The following TEX35 variants were observed in gnomAD, a reference collection of about 807,000 sequenced individuals.
The protein encoded by TEX35 is testis expressed 35.
TEX35 carries 26 observed loss-of-function variants against 31.9 expected under a neutral mutation model. The ratio of observed to expected loss-of-function variants is 0.81; its 90% confidence interval spans 0.60 to 1.13. The LOEUF is 1.13. Among genes scored for constraint, TEX35 ranks in the 50% most tolerant of loss-of-function variants. The pLI is 0.00. For missense variants in TEX35, 278 were observed against 273.5 expected (o/e 1.02, Z -0.12); for synonymous variants, 87 against 90.7 (o/e 0.96, Z 0.23).
At chr1:178,516,800 G>A (rs946021033) in intron 5 of TEX35, 126 bp downstream of exon 5, 2 of 583,052 alleles carry the variant, frequency 3.4e-6, no homozygotes, top group Non-Finnish European at 5.9e-6. Flanking sequence ...TTGCAAGAAA[G>A]CATTGCAAGC....
At chr1:178,514,364 G>A (rs1012576157) in intron 2 of TEX35, among the ~76,000 whole-genome samples, 2 of 152,194 alleles carry the variant, frequency 1.3e-5, no homozygotes, top group African/African-American at 4.8e-5. Context: ...CTTCCTTTGA[G>A]CTGAGAGCTG....
At position 178,522,588 on chromosome 1, in the gene TEX35, CCTT is replaced by C; in HGVS notation, c.*149_*151del. On this transcript the variant is annotated 3_prime_UTR_variant, in exon 9 of 9. Transcript: ENST00000319416. ...CATATTTTATTTCACACCAGTTCCT[CCTT>C]GTTTCATCTCTTTGCTAAGCTGGCT... 1 of 1,327,664 alleles carries C rather than the reference CCTT, an allele frequency of 7.5e-7. No homozygotes were observed. Among genetic ancestry groups the C allele is most frequent in the Non-Finnish European group, 9.6e-7 (1 of 1,037,174 alleles). The allele number at this position is 1,327,664 out of a possible 1,614,324, so 82.2% of individuals were successfully genotyped here. A position where few individuals can be genotyped will look rare whatever the true frequency, so the allele number is the denominator to read the frequency against.
In TEX35 at chr1:178,520,486, C is replaced by A. The variant is rs201096376; in HGVS notation, c.341+50C>A. The A allele has an allele frequency of 1.4e-4, 227 of 1,613,946 alleles. 1 individual carries two copies. The highest frequency in any genetic ancestry group is 9.4e-4 in the South Asian group (86 of 91,062). ...TCCTCATCCCTAAAGGGTCTCCTCCCTTCCCTTTGTTGGATCCCTTTGGGG... is the reference window on the plus strand; with the variant it reads ...TCCTCATCCCTAAAGGGTCTCCTCCATTCCCTTTGTTGGATCCCTTTGGGG... On this transcript the variant is annotated intron_variant, in intron 6 of 8. Coordinates refer to ENST00000319416, the MANE Select transcript of TEX35 (RefSeq NM_032126.5).
intron 2 of TEX35, among the ~76,000 whole-genome samples, 188 bp from the exon 3 acceptor site, chr1:178,514,512 G>A (rs748840555): frequency 3.9e-5 from 6 of 152,160 alleles, no homozygotes; most frequent in Non-Finnish European, 8.8e-5. Flanking sequence ...GGCCAGCAGG[G>A]GAGTGGAACA....
rs1472539735 is a variant in TEX35, at chr1:178,522,504, G to A, written c.*64G>A. ...CAGAGCAAACAGTGTTTCAGAAACT[G>A]TCCTGCCCTGGGTGTGATTCTTTGG... On this transcript the variant is annotated 3_prime_UTR_variant, in exon 9 of 9. Coordinates refer to ENST00000319416, the MANE Select transcript of TEX35 (RefSeq NM_032126.5). The A allele has an allele frequency of 4.7e-6, 7 of 1,482,926 alleles. No individual in the cohort carries two copies. Among genetic ancestry groups the A allele is most frequent in the Non-Finnish European group, 6.3e-6 (7 of 1,104,864 alleles). 91.9% of individuals were successfully genotyped at this position (1,482,926 alleles called of 1,614,324 possible).
chr1:178,515,432 A>G (rs890582111), intron 3 of TEX35, among the ~76,000 whole-genome samples: 3 of 151,312 alleles, frequency 2.0e-5, no homozygotes, highest in Non-Finnish European at 4.4e-5. Flanking sequence ...ATTACAGATC[A>G]CTTATGTTGT....
chr1:178,522,295 G>C, intron 8 of TEX35, 30 bp from the exon 9 acceptor site: 2 of 1,547,048 alleles, frequency 1.3e-6, no homozygotes. Flanking sequence ...CCCCCTTGAA[G>C]GTTTCCTCTC....
At chr1:178,522,654 T>A, downstream of TEX35, 1 of 1,253,508 alleles carries the variant, frequency 8.0e-7, no homozygotes, top group Non-Finnish European at 1.0e-6. Context: ...CAAGTTCTTT[T>A]TTTTTGGAAT....
rs1399562945 is a variant in TEX35, at chr1:178,520,522, A to C, written c.341+86A>C. ...TGGATCCCTTTGGGGTTCAGAGGAC[A>C]CCCAGACTCTTGGAGGAGTTGTCTT... is the stretch of plus-strand genomic sequence containing the variant. On this transcript the variant is annotated intron_variant, in intron 6 of 8. Coordinates refer to ENST00000319416, the MANE Select transcript of TEX35 (RefSeq NM_032126.5). 3.1e-6 allele frequency: 5 copies of C among 1,611,296 alleles called. No individual in the cohort carries two copies. In the South Asian group the frequency reaches 5.5e-5, roughly 18 times the overall value.
In TEX35 at chr1:178,521,226, A is replaced by G; in HGVS notation, c.548A>G (p.Lys183Arg). The stretch of plus-strand genomic sequence containing the variant: ...TGCCGTTTCTGTCCTCTGCAGGAGA[A>G]ATGTTTGTTGTGTGCTCTAAAGAAC... ...PLHHCGTCCE[K>R]CLLCALKNNY... is the part of the protein sequence containing the mutation. Residue 183 changes from lysine to arginine, a missense_variant, in exon 8 of 9, where the codon AAA (lysine) becomes AGA (arginine). Physicochemically the swap from Lys to Arg is conservative, Grantham distance 26. Transcript: ENST00000319416. The G allele has an allele frequency of 6.2e-7, 1 of 1,614,178 alleles. No individual in the cohort carries two copies. Among genetic ancestry groups the G allele is most frequent in the Non-Finnish European group, 8.5e-7 (1 of 1,180,028 alleles).
At chr1:178,521,188 T>C (rs765242840) in intron 7 of TEX35, 34 bp from the exon 8 acceptor site, 17 of 1,614,036 alleles carry the variant, frequency 1.1e-5, no homozygotes, top group Admixed American at 3.3e-5. Context: ...CCAGGGGAAA[T>C]TGATCTTTCT....
intron 8 of TEX35, chr1:178,521,728 G>A: frequency 1.9e-6 from 3 of 1,551,756 alleles, no homozygotes; most frequent in Non-Finnish European, 2.6e-6. Flanking sequence ...TCCTTAAGAT[G>A]CACAGTCAGG....
At chr1:178,521,888 G>A in intron 8 of TEX35, 4 of 1,426,570 alleles carry the variant, frequency 2.8e-6, no homozygotes, top group East Asian at 2.5e-5. Flanking sequence ...CTATATCAGT[G>A]TATTTCAGAC....
intron 8 of TEX35, chr1:178,522,049 G>A (rs1271074397): frequency 1.1e-5 from 7 of 652,434 alleles, no homozygotes; most frequent in Non-Finnish European, 1.3e-5. Flanking sequence ...GATAGCGGAC[G>A]CCAGTCTGTG....
intron 2 of TEX35, chr1:178,514,299 C>A: frequency 7.0e-7 from 1 of 1,437,972 alleles, no homozygotes; most frequent in South Asian, 1.4e-5. Context: ...TGCTGGGAAT[C>A]AAGACAGGGA....
At chr1:178,522,117 C>T (rs941167144) in intron 8 of TEX35, 6 of 733,406 alleles carry the variant, frequency 8.2e-6, no homozygotes, top group African/African-American at 3.5e-5. Flanking sequence ...TAATCAGCCT[C>T]CACCTGTGCA....
intron 3 of TEX35, among the ~76,000 whole-genome samples, chr1:178,515,043 C>A (rs1027702333): frequency 6.6e-6 from 1 of 152,184 alleles, no homozygotes; most frequent in African/African-American, 2.4e-5. Flanking sequence ...CTCGAATTAC[C>A]AGGTGTCTTT....
At chr1:178,517,947 A>T (rs1650140456) in intron 5 of TEX35, among the ~76,000 whole-genome samples, 1 of 152,182 alleles carries the variant, frequency 6.6e-6, no homozygotes, top group Non-Finnish European at 1.5e-5. Context: ...AAGAATTATG[A>T]CAGAAAAATC....
In TEX35 at chr1:178,520,871, C is replaced by T; in HGVS notation, c.540C>T (p.Cys180=). 6.2e-7 allele frequency: 1 copy of T among 1,614,134 alleles called. No homozygotes were observed. The highest frequency in any genetic ancestry group is 8.5e-7 in the Non-Finnish European group (1 of 1,180,034). ...SLDPLHHCGT[C]CEKCLLCALK... is the part of the protein sequence containing the mutation. Reference sequence around the variant, plus strand: ...ATCCCCTTCATCACTGTGGGACCTGCTGCGTAAGTGAAACCCTGCCCGAGC... The same window carrying T: ...ATCCCCTTCATCACTGTGGGACCTGTTGCGTAAGTGAAACCCTGCCCGAGC... The change falls in exon 7 of 9, where the codon TGC becomes TGT. Residue 180 remains cysteine (C), a synonymous_variant. Transcript: ENST00000319416.
Sources: gnomAD v4.1 joint callset for allele counts (sites outside exome capture counted in the v4.1 genomes callset) on GRCh38, gnomAD v4.1.1 for gene constraint, MANE v1.5 for transcripts, NCBI Gene and HGNC (gene_info 2026-07-23, HGNC 2026-07-21) for gene names.